COL9A1: variants seen among roughly 807,000 people sequenced by gnomAD.
The protein encoded by COL9A1 is collagen type IX alpha 1 chain, also known as collagen alpha-1(IX) chain.
A neutral mutation model predicts 142.6 loss-of-function variants in COL9A1; 104 were observed. The observed-to-expected ratio is 0.73, with a 90% confidence interval of 0.62 to 0.86. The LOEUF is 0.86. Ranked by LOEUF, COL9A1 falls within the 40% of genes least tolerant of loss-of-function variation. The pLI, the probability that COL9A1 is intolerant of heterozygous loss-of-function variation, is 0.00. For synonymous variants in COL9A1, 466 were observed against 396.0 expected (o/e 1.18, Z -2.10); for missense variants, 1,210 against 1,176.6 (o/e 1.03, Z -0.42).
intron 10 of COL9A1, among the ~76,000 whole-genome samples, chr6:70,278,939 T>G (rs544899414): frequency 1.4e-4 from 21 of 152,342 alleles, no homozygotes; most frequent in African/African-American, 5.0e-4. Context: ...AAAGCACTAT[T>G]AAATTGGGGG....
chr6:70,229,874 A>G (rs1299627979), intron 36 of COL9A1, among the ~76,000 whole-genome samples: 1 of 152,210 alleles, frequency 6.6e-6, no homozygotes, highest in African/African-American at 2.4e-5. Flanking sequence ...TATTTCTACT[A>G]GTTCCTATTG....
At chr6:70,280,097 GTAT>G in intron 10 of COL9A1, 1 of 634,360 alleles carries the variant, frequency 1.6e-6, no homozygotes, top group Non-Finnish European at 2.9e-6. Context: ...CTCTGAAGAA[GTAT>G]TATTTAGTGT....
At chr6:70,240,560 C>T (rs1032396416) in intron 32 of COL9A1, 129 bp downstream of exon 32, 6 of 453,660 alleles carry the variant, frequency 1.3e-5, no homozygotes, top group Non-Finnish European at 2.3e-5. Context: ...GTGAGGATAA[C>T]AGTGTCCAGA....
chr6:70,291,545 G>A (rs1773662029), intron 5 of COL9A1, among the ~76,000 whole-genome samples: 1 of 152,120 alleles, frequency 6.6e-6, no homozygotes. Flanking sequence ...TCAACAGACT[G>A]AAGAAAAAGT....
intron 5 of COL9A1, among the ~76,000 whole-genome samples, chr6:70,288,996 A>G (rs571189327): frequency 3.9e-5 from 6 of 152,224 alleles, no homozygotes; most frequent in Non-Finnish European, 7.3e-5. Flanking sequence ...AATATTAATG[A>G]ATGAGTATAT....
In COL9A1 at chr6:70,274,702, C is replaced by T; in HGVS notation, c.1029+17G>A. On this transcript the variant is annotated intron_variant, in intron 11 of 37. Transcript: ENST00000357250. Reference sequence around the variant, plus strand: ...AGCATTTTCGTACTAGCAATTAATGCCAGATGGCTAACTTACTTTTTGTCC... The same window carrying T: ...AGCATTTTCGTACTAGCAATTAATGTCAGATGGCTAACTTACTTTTTGTCC... The T allele has an allele frequency of 1.9e-6, 3 of 1,604,390 alleles. No homozygotes were observed. The highest frequency in any genetic ancestry group is 2.6e-6 in the Non-Finnish European group (3 of 1,171,676).
At chr6:70,257,048 ATTTTTTTTTTTT>A (rs542296705) in intron 20 of COL9A1, among the ~76,000 whole-genome samples, 2 of 105,018 alleles carry the variant, frequency 1.9e-5, no homozygotes, top group African/African-American at 3.9e-5. Context: ...CCACTCTGTA[ATTTTTTTTTTTT>A]TTTTTTTTTT....
At chr6:70,278,479 G>A (rs1344333817) in intron 10 of COL9A1, among the ~76,000 whole-genome samples, 1 of 152,186 alleles carries the variant, frequency 6.6e-6, no homozygotes, top group Admixed American at 6.5e-5. Flanking sequence ...GGCAGTGCTT[G>A]AGGAAAAAGT....
At chr6:70,257,895 T>A (rs143877916) in intron 20 of COL9A1, among the ~76,000 whole-genome samples, 173 of 152,338 alleles carry the variant, frequency 1.1e-3, no homozygotes, top group Non-Finnish European at 1.7e-3. Context: ...TCCAGCCACA[T>A]GATTCAGAAG....
chr6:70,251,928 A>G (rs948416220), intron 28 of COL9A1, among the ~76,000 whole-genome samples, 192 bp downstream of exon 28: 5 of 152,188 alleles, frequency 3.3e-5, no homozygotes, highest in East Asian at 1.9e-4. Flanking sequence ...TTTTTGAAGC[A>G]CTTTATTTTT....
At chr6:70,275,049 T>C (rs959156588) in intron 10 of COL9A1, 1 of 444,002 alleles carries the variant, frequency 2.3e-6, no homozygotes. Flanking sequence ...TCAGTGTTTT[T>C]TGTCTCTGCT....
chr6:70,266,914 T>G (rs979774824), intron 17 of COL9A1, 144 bp from the exon 18 acceptor site: 3 of 748,198 alleles, frequency 4.0e-6, no homozygotes, highest in Non-Finnish European at 7.3e-6. Flanking sequence ...ATGCCTTAAA[T>G]GACCTTAACA....
chr6:70,284,251 T>G (rs1230277488), intron 5 of COL9A1, among the ~76,000 whole-genome samples: 1 of 151,792 alleles, frequency 6.6e-6, no homozygotes. Flanking sequence ...ATATATGCTG[T>G]AAGATTTTAG....
Position 70,301,999 on chromosome 6 carries a change from A to T in COL9A1, c.88+2T>A. On this transcript the variant is annotated splice_donor_variant, in intron 2 of 37. Coordinates refer to ENST00000357250, the MANE Select transcript of COL9A1 (RefSeq NM_001851.6). LOFTEE classifies it high-confidence loss of function. The stretch of plus-strand genomic sequence containing the variant: ...TGAAAGTCTAGAAACTATGGCCCTT[A>T]CTGGGGCGACGCTTGACAGCTGCAG... The T allele has an allele frequency of 6.2e-7, 1 of 1,608,184 alleles. No individual in the cohort carries two copies. Among genetic ancestry groups the T allele is most frequent in the Non-Finnish European group, 8.5e-7 (1 of 1,176,908 alleles).
chr6:70,217,878 T>C (rs1266742722), intron 37 of COL9A1, among the ~76,000 whole-genome samples: 1 of 152,202 alleles, frequency 6.6e-6, no homozygotes, highest in Non-Finnish European at 1.5e-5. Flanking sequence ...CAGTGGCTCA[T>C]GCCTGTAATC....
chr6:70,253,622 CTT>C (rs1771092822), intron 25 of COL9A1, among the ~76,000 whole-genome samples, 193 bp from the exon 26 acceptor site: 1 of 152,214 alleles, frequency 6.6e-6, no homozygotes, highest in Non-Finnish European at 1.5e-5. Context: ...GAGGGCATGA[CTT>C]TACTATATCT....
chr6:70,256,880 C>G (rs1297256094), intron 20 of COL9A1, 59 bp from the exon 21 acceptor site: 6 of 1,514,360 alleles, frequency 4.0e-6, no homozygotes, highest in Non-Finnish European at 5.5e-6. Context: ...TTAAAGGAAG[C>G]ATCCATCTTT....
chr6:70,228,630 G>A (rs1769374214), intron 36 of COL9A1, among the ~76,000 whole-genome samples: 2 of 152,036 alleles, frequency 1.3e-5, no homozygotes, highest in South Asian at 4.1e-4. Context: ...TCTGCACTCA[G>A]ATAGTCAAAG....
intron 4 of COL9A1, among the ~76,000 whole-genome samples, chr6:70,296,207 A>G (rs937462141): frequency 2.6e-5 from 4 of 152,228 alleles, no homozygotes; most frequent in Non-Finnish European, 5.9e-5. Flanking sequence ...CAAAAAGGTT[A>G]ACTTTTCATC....
Sources: gnomAD v4.1 joint callset for allele counts (sites outside exome capture counted in the v4.1 genomes callset) on GRCh38, gnomAD v4.1.1 for gene constraint, MANE v1.5 for transcripts, NCBI Gene and HGNC (gene_info 2026-07-23, HGNC 2026-07-21) for gene names.